The following CADPS2 variants were observed in gnomAD, a reference collection of about 807,000 sequenced individuals.
CADPS2 encodes the protein calcium dependent secretion activator 2.
Under a neutral mutation model 172.5 loss-of-function variants are expected in CADPS2, and 93 were observed. That is an observed-to-expected ratio of 0.54 (90% CI 0.46 to 0.64). CADPS2 has a LOEUF of 0.64. CADPS2 is among the 30% of genes least tolerant of loss of function. CADPS2 has a pLI of 0.00. For missense variants in CADPS2, 1,420 were observed against 1,565.9 expected, an observed-to-expected ratio of 0.91 and a Z score of 1.57; for synonymous variants, 546 against 555.2, an observed-to-expected ratio of 0.98 and a Z score of 0.23.
intron 20 of CADPS2, among the ~76,000 whole-genome samples, chr7:122,402,354 C>A (rs1478790274): frequency 6.6e-6 from 1 of 152,164 alleles, no homozygotes; most frequent in African/African-American, 2.4e-5. Context: ...ACTGGAGACC[C>A]AGTACTCAGG....
At chr7:122,612,980 C>G (rs1202418215) in intron 6 of CADPS2, among the ~76,000 whole-genome samples, 1 of 151,966 alleles carries the variant, frequency 6.6e-6, no homozygotes, top group Non-Finnish European at 1.5e-5. Flanking sequence ...GTTGGGACAA[C>G]TGAATAGTTC....
chr7:122,879,129 C>A (rs776168104), intron 1 of CADPS2, among the ~76,000 whole-genome samples: 8 of 151,060 alleles, frequency 5.3e-5, no homozygotes, highest in Admixed American at 2.0e-4. Context: ...CCCAGCTACT[C>A]GAGAGGCCGA....
intron 2 of CADPS2, among the ~76,000 whole-genome samples, chr7:122,673,518 G>A (rs545812724): frequency 2.4e-4 from 37 of 152,232 alleles, no homozygotes; most frequent in Non-Finnish European, 4.9e-4. Context: ...GACACAAAAG[G>A]TCTCCAAGCC....
intron 2 of CADPS2, among the ~76,000 whole-genome samples, chr7:122,712,718 T>G (rs1268071933): frequency 6.6e-6 from 1 of 152,114 alleles, no homozygotes; most frequent in Non-Finnish European, 1.5e-5. Flanking sequence ...GAAATTTATT[T>G]TTGCACAGTT....
chr7:122,382,587 G>C (rs576646472), intron 24 of CADPS2, among the ~76,000 whole-genome samples: 2 of 151,828 alleles, frequency 1.3e-5, no homozygotes, highest in Non-Finnish European at 2.9e-5. Context: ...AAATTGATAG[G>C]TTTTTTTTCC....
chr7:122,697,893 A>G, intron 2 of CADPS2: 1 of 1,613,740 alleles, frequency 6.2e-7, no homozygotes, highest in Non-Finnish European at 8.5e-7. Flanking sequence ...AGGTTCCTGC[A>G]GGAGAAACTT....
chr7:122,694,184 C>A (rs570340171), intron 2 of CADPS2, among the ~76,000 whole-genome samples: 2 of 152,106 alleles, frequency 1.3e-5, no homozygotes, highest in Admixed American at 1.3e-4. Context: ...AAATGACTTA[C>A]AATTGCTTCT....
intron 7 of CADPS2, among the ~76,000 whole-genome samples, chr7:122,557,467 G>A (rs2065174168): frequency 6.6e-6 from 1 of 151,976 alleles, no homozygotes. Context: ...CTTTTTCCAC[G>A]TGGCAAACTT....
chr7:122,370,266 G>A (rs1282225440), intron 25 of CADPS2, among the ~76,000 whole-genome samples: 1 of 152,096 alleles, frequency 6.6e-6, no homozygotes, highest in Non-Finnish European at 1.5e-5. Context: ...ACTCCTTGAG[G>A]GCAGGGACCC....
chr7:122,432,371 G>A (rs551629377), intron 17 of CADPS2, among the ~76,000 whole-genome samples: 55 of 152,222 alleles, frequency 3.6e-4, no homozygotes, highest in African/African-American at 1.2e-3. Context: ...CAGGCACTGT[G>A]GCTCATGCTT....
At chr7:122,756,390 T>A (rs1040408983) in intron 1 of CADPS2, among the ~76,000 whole-genome samples, 2 of 152,182 alleles carry the variant, frequency 1.3e-5, no homozygotes, top group African/African-American at 4.8e-5. Context: ...TCAATTCAAT[T>A]TGAAATTCAT....
At chr7:122,340,567 T>C in intron 28 of CADPS2, among the ~76,000 whole-genome samples, 1 of 152,126 alleles carries the variant, frequency 6.6e-6, no homozygotes, top group East Asian at 1.9e-4. Context: ...CAGATGTCAG[T>C]TTTGACTTCT....
intron 24 of CADPS2, among the ~76,000 whole-genome samples, chr7:122,381,657 G>C (rs142995736): frequency 1.4e-3 from 219 of 152,122 alleles, no homozygotes; most frequent in African/African-American, 5.0e-3. Flanking sequence ...GTGGACACTA[G>C]GAACCATTAA....
Position 122,874,007 on chromosome 7 carries a change from G to GT in CADPS2, c.339+11991dup, listed in dbSNP as rs1038884504. On this transcript the variant is annotated intron_variant, in intron 1 of 29. Coordinates refer to ENST00000449022, the MANE Select transcript of CADPS2 (RefSeq NM_017954.11). ...ATATCCTTCACCCACTTTTTGATGG[G>GT]TTTTTTTTTTCTTGTAAATTTGTTT... Among the ~76,000 whole-genome samples the GT allele has an allele frequency of 5.6e-4, 83 of 149,126 alleles. 2 individuals are homozygous for GT. The highest frequency in any genetic ancestry group is 3.4e-3 in the South Asian group (16 of 4,696).
chr7:122,854,130 C>T (rs56003036), intron 1 of CADPS2, among the ~76,000 whole-genome samples: 2 of 151,904 alleles, frequency 1.3e-5, no homozygotes, highest in African/African-American at 2.4e-5. Flanking sequence ...GAGGCTGAGG[C>T]GGGTGGATAA....
intron 1 of CADPS2, among the ~76,000 whole-genome samples, chr7:122,825,355 G>A (rs933755468): frequency 2.5e-4 from 38 of 152,256 alleles, no homozygotes; most frequent in African/African-American, 8.9e-4. Context: ...ATGAGGAAAA[G>A]CTCTAGATCT....
At chr7:122,681,298 C>A (rs983560397) in intron 2 of CADPS2, 84 of 997,558 alleles carry the variant, frequency 8.4e-5, no homozygotes, top group Non-Finnish European at 1.4e-5. Flanking sequence ...AAGAGCTCTC[C>A]GGTCCGTGCC....
intron 1 of CADPS2, among the ~76,000 whole-genome samples, chr7:122,836,639 T>A (rs1401733957): frequency 6.6e-6 from 1 of 152,110 alleles, no homozygotes; most frequent in Non-Finnish European, 1.5e-5. Context: ...TAGTCTCTGA[T>A]AAAACAGACT....
intron 2 of CADPS2, chr7:122,702,329 G>A: frequency 1.2e-6 from 2 of 1,613,790 alleles, no homozygotes; most frequent in Non-Finnish European, 1.7e-6. Flanking sequence ...GTGAGACATG[G>A]GAAATACTTT....
Sources: gnomAD v4.1 joint callset for allele counts (sites outside exome capture counted in the v4.1 genomes callset) on GRCh38, gnomAD v4.1.1 for gene constraint, MANE v1.5 for transcripts, NCBI Gene and HGNC (gene_info 2026-07-23, HGNC 2026-07-21) for gene names.